ALK: variants seen among roughly 807,000 people sequenced by gnomAD.
ALK encodes ALK tyrosine kinase receptor.
A neutral mutation model predicts 163.1 loss-of-function variants in ALK; 74 were observed. The ratio of observed to expected loss-of-function variants is 0.45; its 90% CI spans 0.38 to 0.55. ALK has a LOEUF of 0.55. Among genes scored for constraint, ALK ranks in the 20% least tolerant of loss-of-function variants. ALK has a pLI of 0.00. For synonymous variants in ALK, 960 were observed against 843.2 expected (o/e 1.14, Z -2.40); for missense variants, 2,063 against 2,105.3 (o/e 0.98, Z 0.39).
At chr2:29,358,802 G>T (rs1216105437) in intron 5 of ALK, among the ~76,000 whole-genome samples, 2 of 152,136 alleles carry the variant, frequency 1.3e-5, no homozygotes, top group Admixed American at 6.6e-5. Flanking sequence ...CTTCCCCCAT[G>T]AGGGTACTTA....
chr2:29,760,424 G>T (rs1026296338), intron 1 of ALK, among the ~76,000 whole-genome samples: 1 of 152,178 alleles, frequency 6.6e-6, no homozygotes, highest in Non-Finnish European at 1.5e-5. Context: ...GTGAGAAAAT[G>T]CATTTAAGAG....
In ALK at chr2:29,734,655, A is replaced by AAC. The variant is rs544709529; in HGVS notation, c.668-16960_668-16959dup. Among the ~76,000 whole-genome samples the AAC allele has an allele frequency of 1.7e-3, 255 of 151,382 alleles. 1 individual carries two copies. The highest frequency in any genetic ancestry group is 5.4e-3 in the African/African-American group (222 of 41,346). On this transcript the variant is annotated intron_variant, in intron 1 of 28. Coordinates refer to ENST00000389048, the MANE Select transcript of ALK (RefSeq NM_004304.5). Reference sequence around the variant, plus strand: ...TCTCTTTCTCCCTCTCTCTTTCTGAAACACACACACACACACAAATATCCA... The same window carrying AAC: ...TCTCTTTCTCCCTCTCTCTTTCTGAAACACACACACACACACACAAATATCCA...
rs1304878052 is a variant in ALK at position 29,194,691 on chromosome 2, T to TA, written c.4165-770_4165-769insT. On this transcript the variant is annotated intron_variant, in intron 28 of 28. Coordinates refer to ENST00000389048, the MANE Select transcript of ALK (RefSeq NM_004304.5). ...CCCCACCCCCGCTAATTTTTGTGTTTTTAGTAGAGACAAGGTTTCATTCAA... is the reference window on the plus strand; with the variant it reads ...CCCCACCCCCGCTAATTTTTGTGTTTATTAGTAGAGACAAGGTTTCATTCAA... Among the ~76,000 whole-genome samples, 3 of 132,342 alleles carry TA rather than the reference T, an allele frequency of 2.3e-5. No homozygotes were observed. The East Asian group carries it at 7.7e-4, about 34-fold the overall frequency. 86.8% of individuals were successfully genotyped at this position (132,342 alleles called of 152,430 possible). A position where few individuals can be genotyped will look rare whatever the true frequency, so the allele number is the denominator to read the frequency against.
chr2:29,361,124 G>A (rs561568764), intron 5 of ALK, among the ~76,000 whole-genome samples: 3 of 152,322 alleles, frequency 2.0e-5, no homozygotes, highest in South Asian at 4.1e-4. Context: ...CGAGCAGATC[G>A]CCGACGCAGT....
At chr2:29,866,531 G>A (rs535412887) in intron 1 of ALK, among the ~76,000 whole-genome samples, 2 of 152,248 alleles carry the variant, frequency 1.3e-5, no homozygotes, top group South Asian at 4.1e-4. Flanking sequence ...ACACGTGAAT[G>A]GAAGAGTTTT....
chr2:29,880,851 A>C (rs548645855), intron 1 of ALK, among the ~76,000 whole-genome samples: 1 of 152,292 alleles, frequency 6.6e-6, no homozygotes, highest in South Asian at 2.1e-4. Flanking sequence ...CCACTTTCTC[A>C]TTCTTCCTCT....
Position 29,244,674 on chromosome 2 carries a change from C to G in ALK, c.2205-4844G>C, listed in dbSNP as rs963410395. On this transcript the variant is annotated intron_variant, in intron 12 of 28. Coordinates refer to ENST00000389048, the MANE Select transcript of ALK (RefSeq NM_004304.5). ...AGACAACTTTCTAAGTCACATGGAG[C>G]ATCGGTGGTGGAGGTTGAACTCAAA... Among the ~76,000 whole-genome samples the G allele has an allele frequency of 2.0e-5, 3 of 152,348 alleles. No individual in the cohort carries two copies. In the South Asian group the frequency reaches 6.2e-4, roughly 32 times the overall value.
At chr2:29,800,171 A>G (rs1232081217) in intron 1 of ALK, among the ~76,000 whole-genome samples, 4 of 152,342 alleles carry the variant, frequency 2.6e-5, no homozygotes, top group South Asian at 4.1e-4. Flanking sequence ...AGAGGAGGCA[A>G]TGCCTGAGAG....
At chr2:29,514,646 C>T (rs1350023947) in intron 4 of ALK, among the ~76,000 whole-genome samples, 3 of 152,186 alleles carry the variant, frequency 2.0e-5, no homozygotes, top group Non-Finnish European at 4.4e-5. Context: ...GAAGTTTGTA[C>T]TTTTCTCTCC....
intron 3 of ALK, among the ~76,000 whole-genome samples, chr2:29,690,026 G>T (rs941778887): frequency 2.0e-5 from 3 of 152,180 alleles, no homozygotes; most frequent in African/African-American, 7.2e-5. Flanking sequence ...AATGAGGAGA[G>T]AATGAATTTC....
intron 4 of ALK, among the ~76,000 whole-genome samples, chr2:29,439,465 G>A (rs1379772339): frequency 6.6e-6 from 1 of 152,152 alleles, no homozygotes; most frequent in African/African-American, 2.4e-5. Flanking sequence ...GGTGCTATTT[G>A]CTGAAACAAT....
chr2:29,735,460 A>C (rs1340455853), intron 1 of ALK, among the ~76,000 whole-genome samples: 1 of 152,100 alleles, frequency 6.6e-6, no homozygotes, highest in Non-Finnish European at 1.5e-5. Context: ...AAATAATAGT[A>C]ATAGTAGTAG....
intron 3 of ALK, among the ~76,000 whole-genome samples, chr2:29,550,854 A>C (rs1673697476): frequency 6.6e-6 from 1 of 152,194 alleles, no homozygotes; most frequent in African/African-American, 2.4e-5. Context: ...TAGGATTTTA[A>C]AAATTTAAAA....
intron 1 of ALK, among the ~76,000 whole-genome samples, chr2:29,796,758 A>G: frequency 6.6e-6 from 1 of 152,052 alleles, no homozygotes; most frequent in East Asian, 1.9e-4. Flanking sequence ...AGCTGCAACT[A>G]CCTTAAAAGA....
In ALK at chr2:29,717,650, CAGG is replaced by C. The variant is rs1311300230; in HGVS notation, c.712_714del (p.Pro238del). 5.6e-6 allele frequency: 9 copies of C among 1,613,752 alleles called. No individual in the cohort carries two copies. Among genetic ancestry groups the C allele is most frequent in the Middle Eastern group, 3.3e-4 (2 of 6,082 alleles). On this transcript the variant is annotated inframe_deletion, in exon 2 of 29. Transcript: ENST00000389048. ...CAGGTGAGATTCCATGTAAAATAAT[CAGG>C]AGAAGGAGAAGGCATGTTTGTTGGT...
At chr2:29,874,984 T>C (rs1666667091) in intron 1 of ALK, among the ~76,000 whole-genome samples, 1 of 152,154 alleles carries the variant, frequency 6.6e-6, no homozygotes, top group East Asian at 1.9e-4. Context: ...AAGTTAAATA[T>C]AGAATTAGCA....
chr2:29,607,788 T>C (rs975649710), intron 3 of ALK, among the ~76,000 whole-genome samples: 3 of 152,146 alleles, frequency 2.0e-5, no homozygotes, highest in African/African-American at 7.2e-5. Context: ...ATGATTTTTT[T>C]CTTACCTACA....
intron 1 of ALK, among the ~76,000 whole-genome samples, chr2:29,778,588 G>T (rs1681244068): frequency 6.6e-6 from 1 of 152,214 alleles, no homozygotes. Context: ...TGCAGCAGGA[G>T]TGAGGTGGGG....
chr2:29,778,916 G>A (rs1448235495), intron 1 of ALK, among the ~76,000 whole-genome samples: 1 of 152,106 alleles, frequency 6.6e-6, no homozygotes, highest in African/African-American at 2.4e-5. Context: ...AGCACTTTGG[G>A]AGGCTGAGGC....
Sources: gnomAD v4.1 joint callset for allele counts (sites outside exome capture counted in the v4.1 genomes callset) on GRCh38, gnomAD v4.1.1 for gene constraint, MANE v1.5 for transcripts, NCBI Gene and HGNC (gene_info 2026-07-23, HGNC 2026-07-21) for gene names.